The following CDK5RAP2 variants were observed in gnomAD, a reference collection of about 807,000 sequenced individuals.
CDK5RAP2 encodes CDK5 regulatory subunit associated protein 2.
A neutral mutation model predicts 232.9 loss-of-function variants in CDK5RAP2; 147 were observed. The ratio of observed to expected loss-of-function variants is 0.63; its 90% CI spans 0.55 to 0.72. CDK5RAP2 has a LOEUF of 0.72. Among genes scored for constraint, CDK5RAP2 ranks in the 30% least tolerant of loss-of-function variants. CDK5RAP2 has a pLI of 0.00. For synonymous variants in CDK5RAP2, 833 were observed against 833.7 expected, an observed-to-expected ratio of 1.00 and a Z score of 0.01; for missense variants, 2,195 against 2,231.5, an observed-to-expected ratio of 0.98 and a Z score of 0.33.
At chr9:120,401,627 A>C (rs1465484268) in intron 34 of CDK5RAP2, among the ~76,000 whole-genome samples, 2 of 150,972 alleles carry the variant, frequency 1.3e-5, no homozygotes, top group African/African-American at 4.9e-5. Flanking sequence ...AAAAAAAAAA[A>C]AAAAAAGAGA....
rs576007177 is a variant in CDK5RAP2 at position 120,526,961 on chromosome 9, C to T, written c.999+845G>A. On this transcript the variant is annotated intron_variant, in intron 10 of 37. Transcript: ENST00000349780. ...CAGCTCAGGCACCTTCTCCTCTAAG[C>T]ACTGCACCCCACATGCAATATCCAC... Among the ~76,000 whole-genome samples, 3 of 152,274 alleles carry T rather than the reference C, an allele frequency of 2.0e-5. No individual in the cohort carries two copies. In the East Asian group the frequency reaches 5.8e-4, roughly 29 times the overall value.
intron 14 of CDK5RAP2, among the ~76,000 whole-genome samples, chr9:120,481,664 C>T (rs1201207747): frequency 2.6e-5 from 4 of 151,996 alleles, no homozygotes; most frequent in African/African-American, 9.7e-5. Flanking sequence ...AGGCGCACAC[C>T]GCCACACTCG....
chr9:120,439,330 G>T, intron 24 of CDK5RAP2, 69 bp downstream of exon 24: 3 of 1,287,556 alleles, frequency 2.3e-6, no homozygotes, highest in Non-Finnish European at 2.2e-6. Context: ...TTAGCTCATG[G>T]GCTCCCACCT....
intron 2 of CDK5RAP2, chr9:120,571,629 G>C (rs1223842717): frequency 2.7e-6 from 1 of 369,302 alleles, no homozygotes; most frequent in Non-Finnish European, 5.2e-6. Context: ...CTACAGTCCA[G>C]ATGGCAGCTC....
At chr9:120,509,272 C>T (rs1015295951) in intron 12 of CDK5RAP2, among the ~76,000 whole-genome samples, 11 of 152,176 alleles carry the variant, frequency 7.2e-5, no homozygotes, top group African/African-American at 2.2e-4. Flanking sequence ...TATTAATCAA[C>T]ACCGTCTGGT....
At chr9:120,507,383 TAACC>T (rs1198032948) in intron 12 of CDK5RAP2, among the ~76,000 whole-genome samples, 1 of 152,146 alleles carries the variant, frequency 6.6e-6, no homozygotes, top group African/African-American at 2.4e-5. Flanking sequence ...TCAAGCAACT[TAACC>T]AAAGCAACAT....
At chr9:120,494,090 TA>T (rs532352159) in intron 12 of CDK5RAP2, among the ~76,000 whole-genome samples, 1,314 of 119,248 alleles carry the variant, frequency 0.011, 13 homozygotes, top group African/African-American at 0.025. Context: ...AGACTCAGTT[TA>T]AAAAAAAAAA....
rs536390601 is a variant in CDK5RAP2 at position 120,487,546 on chromosome 9, A to G, written c.1483-109T>C. The G allele has an allele frequency of 6.1e-5, 48 of 787,954 alleles. No homozygotes were observed. In the African/African-American group the frequency reaches 8.4e-4, roughly 14 times the overall value. The allele number at this position is 787,954 out of a possible 1,614,324, so 48.8% of individuals were successfully genotyped here. On this transcript the variant is annotated intron_variant, in intron 13 of 37. Transcript: ENST00000349780. ...TATTTTATTTTTTCATAATACTCCT[A>G]TATCCCCTACATAATTTTCATCATT... is the stretch of plus-strand genomic sequence containing the variant.
At position 120,536,403 on chromosome 9, in the gene CDK5RAP2, C is replaced by T; in HGVS notation, c.631G>A (p.Ala211Thr). ...TTCTCATCCAGGACCAGAGCCATCG[C>T]CAAGTCCCCCTCGTGCATCTTCTTC... Reference protein sequence around the residue: ...EMKKMHEGDLAMALVLDEKDR... With the variant: ...EMKKMHEGDLTMALVLDEKDR... Residue 211 changes from alanine to threonine, a missense_variant, in exon 7 of 38, where the codon GCG becomes ACG. Physicochemically the swap from Ala to Thr is moderately conservative, Grantham distance 58. Coordinates refer to ENST00000349780, the MANE Select transcript of CDK5RAP2 (RefSeq NM_018249.6). The T allele has an allele frequency of 6.2e-7, 1 of 1,614,188 alleles. No individual in the cohort carries two copies. Among genetic ancestry groups the T allele is most frequent in the South Asian group, 1.1e-5 (1 of 91,084 alleles).
chr9:120,452,592 G>T (rs900080175), intron 21 of CDK5RAP2, among the ~76,000 whole-genome samples: 2 of 151,604 alleles, frequency 1.3e-5, no homozygotes, highest in East Asian at 1.9e-4. Context: ...TTGGCCGTGG[G>T]GGGGTCAAGC....
rs1263450970 is a variant in CDK5RAP2, at chr9:120,471,820, G to A, written c.1786C>T (p.Gln596Ter). 2 of 1,613,408 alleles carry A rather than the reference G, an allele frequency of 1.2e-6. No homozygotes were observed. The highest frequency in any genetic ancestry group is 1.3e-5 in the African/African-American group (1 of 75,006). The change falls in exon 16 of 38, where the codon CAG (glutamine) becomes TAG (stop). Residue 596 changes from glutamine (Q) to a stop codon, truncating the protein, a stop_gained. Transcript: ENST00000349780. LOFTEE classifies it high-confidence loss of function. ...KIFALRKQLE[Q>*]DVLSYQNLRK... ...AAATTCTGATATGAAAGCACATCCT[G>A]CTCCAGTTGCTTCCGCAGGGCAAAA...
chr9:120,497,550 G>A (rs2039368341), intron 12 of CDK5RAP2, among the ~76,000 whole-genome samples: 2 of 148,430 alleles, frequency 1.3e-5, no homozygotes, highest in Admixed American at 1.4e-4. Flanking sequence ...AATTATAAAG[G>A]GAATAAAATA....
chr9:120,520,809 A>ATATATCTCATATATCTCATGAGG (rs1564332655), intron 11 of CDK5RAP2, among the ~76,000 whole-genome samples: 1 of 64,710 alleles, frequency 1.5e-5, no homozygotes, highest in African/African-American at 5.2e-5. Flanking sequence ...ATCTCATGAG[A>ATATATCTCATATATCTCATGAGG]TATATCTCAT....
intron 25 of CDK5RAP2, among the ~76,000 whole-genome samples, chr9:120,433,144 TG>T (rs2035380441): frequency 6.6e-6 from 1 of 152,216 alleles, no homozygotes; most frequent in Non-Finnish European, 1.5e-5. Flanking sequence ...AACTATCCCA[TG>T]TTCTATCCTG....
intron 3 of CDK5RAP2, among the ~76,000 whole-genome samples, chr9:120,566,838 T>C (rs184098367): frequency 6.6e-6 from 1 of 152,352 alleles, no homozygotes; most frequent in East Asian, 1.9e-4. Context: ...CAGTTTCTCC[T>C]ATATATAATA....
At chr9:120,517,208 G>C (rs1486960977) in intron 12 of CDK5RAP2, among the ~76,000 whole-genome samples, 1 of 152,154 alleles carries the variant, frequency 6.6e-6, no homozygotes, top group Non-Finnish European at 1.5e-5. Flanking sequence ...TGGAATTATA[G>C]CTACCATTTT....
intron 1 of CDK5RAP2, among the ~76,000 whole-genome samples, chr9:120,578,528 T>C (rs1486619176): frequency 6.6e-6 from 1 of 151,646 alleles, no homozygotes; most frequent in Non-Finnish European, 1.5e-5. Flanking sequence ...GCCCTCTTTA[T>C]GTCTGCTGCC....
At chr9:120,433,008 C>T (rs1253680234) in intron 25 of CDK5RAP2, among the ~76,000 whole-genome samples, 1 of 152,166 alleles carries the variant, frequency 6.6e-6, no homozygotes, top group Non-Finnish European at 1.5e-5. Context: ...AAGTCAGGTA[C>T]TCCTATATAC....
intron 20 of CDK5RAP2, among the ~76,000 whole-genome samples, chr9:120,455,473 G>A (rs1170806711): frequency 6.6e-6 from 1 of 152,090 alleles, no homozygotes; most frequent in South Asian, 2.1e-4. Flanking sequence ...AGGCATCATG[G>A]TTCATGCCTA....
Sources: gnomAD v4.1 joint callset for allele counts (sites outside exome capture counted in the v4.1 genomes callset) on GRCh38, gnomAD v4.1.1 for gene constraint, MANE v1.5 for transcripts, NCBI Gene and HGNC (gene_info 2026-07-23, HGNC 2026-07-21) for gene names.